The following ADAMTSL1 variants were observed in gnomAD, a reference collection of about 807,000 sequenced individuals.
ADAMTSL1 encodes the protein ADAMTS like 1.
ADAMTSL1 carries 126 observed loss-of-function variants against 201.8 expected under a neutral mutation model. The ratio of observed to expected loss-of-function variants is 0.62; its 90% CI spans 0.54 to 0.72. ADAMTSL1 has a LOEUF of 0.72. ADAMTSL1 is among the 30% of genes least tolerant of loss of function. The pLI, the probability that ADAMTSL1 is intolerant of heterozygous loss-of-function variation, is 0.00. For missense variants in ADAMTSL1, 2,679 were observed against 2,277.8 expected (o/e 1.18, Z -3.59); for synonymous variants, 1,121 against 903.4 (o/e 1.24, Z -4.32).
chr9:18,642,694 T>A (rs915652165), intron 7 of ADAMTSL1, among the ~76,000 whole-genome samples: 7 of 152,048 alleles, frequency 4.6e-5, no homozygotes, highest in African/African-American at 1.7e-4. Context: ...TTTGTCTTTC[T>A]GGGCCTAGCT....
chr9:18,533,280 A>C lies in ADAMTSL1; in HGVS notation c.225A>C (p.Thr75=). The C allele has an allele frequency of 6.2e-7, 1 of 1,609,620 alleles. No homozygotes were observed. ...AAGGAAGAAATATCCGATACAGAAC[A>C]TGCAGTAATGTGGTAAGTATAAGGT... The part of the protein sequence containing the change: ...SCEGRNIRYR[T]CSNVDCPPEA... Residue 75 remains threonine (T), a synonymous_variant, in exon 3 of 29, where the codon ACA becomes ACC. Transcript: ENST00000380548.
At chr9:18,794,484 C>T (rs1822250883) in intron 19 of ADAMTSL1, among the ~76,000 whole-genome samples, 1 of 151,502 alleles carries the variant, frequency 6.6e-6, no homozygotes, top group African/African-American at 2.4e-5. Context: ...TAAATAAAGA[C>T]AATAGATGTA....
intron 4 of ADAMTSL1, among the ~76,000 whole-genome samples, chr9:18,598,302 T>C (rs1824401581): frequency 6.6e-6 from 1 of 152,180 alleles, no homozygotes; most frequent in Non-Finnish European, 1.5e-5. Flanking sequence ...ACCCGAAGTC[T>C]CTCAACTAGC....
intron 23 of ADAMTSL1, among the ~76,000 whole-genome samples, chr9:18,844,675 C>T (rs1341204467): frequency 6.6e-6 from 1 of 152,226 alleles, no homozygotes; most frequent in African/African-American, 2.4e-5. Flanking sequence ...CCTCCTTGAG[C>T]TGTGGTGGGC....
intron 20 of ADAMTSL1, among the ~76,000 whole-genome samples, chr9:18,795,958 G>T (rs1349323321): frequency 6.6e-6 from 1 of 152,166 alleles, no homozygotes; most frequent in African/African-American, 2.4e-5. Flanking sequence ...GAATTCTGTG[G>T]TCATGGCTTG....
intron 2 of ADAMTSL1, among the ~76,000 whole-genome samples, chr9:18,277,095 T>C (rs192175745): frequency 4.1e-4 from 63 of 152,358 alleles, no homozygotes; most frequent in African/African-American, 1.5e-3. Flanking sequence ...CATACTATAG[T>C]GGCTAGAAAA....
intron 4 of ADAMTSL1, among the ~76,000 whole-genome samples, chr9:18,614,911 G>A (rs1825605020): frequency 6.6e-6 from 1 of 151,672 alleles, no homozygotes; most frequent in Non-Finnish European, 1.5e-5. Flanking sequence ...TATGGGCCTT[G>A]TGTTTTGGAA....
intron 1 of ADAMTSL1, among the ~76,000 whole-genome samples, chr9:17,951,025 C>T (rs1483190564): frequency 5.9e-5 from 9 of 152,082 alleles, no homozygotes; most frequent in Non-Finnish European, 2.9e-5. Context: ...AAAGTTGCAG[C>T]CCCCTCCCCA....
At position 18,776,561 on chromosome 9, in the gene ADAMTSL1, C is replaced by T. The variant is rs550168406; in HGVS notation, c.2552-220C>T. 3.3e-5 allele frequency among the ~76,000 whole-genome samples: 5 copies of T among 152,252 alleles called. No individual in the cohort carries two copies. In the South Asian group the frequency reaches 1.0e-3, roughly 32 times the overall value. On this transcript the variant is annotated intron_variant, in intron 18 of 28. Coordinates refer to ENST00000380548, the MANE Select transcript of ADAMTSL1 (RefSeq NM_001040272.6). Reference sequence around the variant, plus strand: ...TGGTGGCAGCTTGATGGTCCACAGCCGGGAATGAGGTCCTCCCGAAAAACA... The same window carrying T: ...TGGTGGCAGCTTGATGGTCCACAGCTGGGAATGAGGTCCTCCCGAAAAACA...
chr9:18,478,783 C>T (rs1202444083), intron 1 of ADAMTSL1, among the ~76,000 whole-genome samples: 3 of 152,192 alleles, frequency 2.0e-5, no homozygotes, highest in African/African-American at 7.2e-5. Flanking sequence ...TACTGGTTAA[C>T]TGTATTGAGA....
At chr9:18,277,643 A>G (rs909525928) in intron 2 of ADAMTSL1, among the ~76,000 whole-genome samples, 3 of 151,774 alleles carry the variant, frequency 2.0e-5, no homozygotes, top group Admixed American at 6.6e-5. Flanking sequence ...TTCTATCCCT[A>G]CTCTTTCAGC....
At chr9:17,969,652 A>C (rs115612930) in intron 1 of ADAMTSL1, among the ~76,000 whole-genome samples, 122 of 152,212 alleles carry the variant, frequency 8.0e-4, no homozygotes, top group African/African-American at 2.9e-3. Context: ...AGTATACTAA[A>C]TGAGCTAGAA....
chr9:18,034,493 AT>A (rs1821110083), intron 1 of ADAMTSL1, among the ~76,000 whole-genome samples: 1 of 152,218 alleles, frequency 6.6e-6, no homozygotes, highest in Non-Finnish European at 1.5e-5. Context: ...TCTTAAGTAT[AT>A]AGAAACATAA....
intron 7 of ADAMTSL1, among the ~76,000 whole-genome samples, chr9:18,655,887 GGTACCCTT>G (rs1263248035): frequency 1.2e-4 from 17 of 145,048 alleles, no homozygotes; most frequent in Admixed American, 2.1e-4. Flanking sequence ...CAAGCAATTA[GGTACCCTT>G]GTATCTGACA....
chr9:18,429,450 G>C (rs1362141865), intron 2 of ADAMTSL1, among the ~76,000 whole-genome samples: 3 of 152,140 alleles, frequency 2.0e-5, no homozygotes, highest in African/African-American at 7.2e-5. Flanking sequence ...CTGTGTGCTA[G>C]TGTGAGCAGA....
intron 2 of ADAMTSL1, among the ~76,000 whole-genome samples, chr9:18,318,527 C>T (rs1834495593): frequency 6.6e-6 from 1 of 152,160 alleles, no homozygotes. Flanking sequence ...CTTAGAAGAA[C>T]CACTGTTTAA....
chr9:17,949,122 C>T (rs957606046), intron 1 of ADAMTSL1, among the ~76,000 whole-genome samples: 1 of 152,174 alleles, frequency 6.6e-6, no homozygotes, highest in Non-Finnish European at 1.5e-5. Context: ...TCAATAATTG[C>T]TGATATTTTA....
At chr9:18,498,500 C>T (rs910372982) in intron 1 of ADAMTSL1, among the ~76,000 whole-genome samples, 1 of 152,102 alleles carries the variant, frequency 6.6e-6, no homozygotes, top group African/African-American at 2.4e-5. Flanking sequence ...CCATGCCTGG[C>T]TAATTTTTTG....
chr9:18,171,805 G>C (rs1222868844), intron 2 of ADAMTSL1, among the ~76,000 whole-genome samples: 1 of 151,922 alleles, frequency 6.6e-6, no homozygotes, highest in Non-Finnish European at 1.5e-5. Context: ...GGGTTTTTAT[G>C]GTTTTAGGTC....
Sources: gnomAD v4.1 joint callset for allele counts (sites outside exome capture counted in the v4.1 genomes callset) on GRCh38, gnomAD v4.1.1 for gene constraint, MANE v1.5 for transcripts, NCBI Gene and HGNC (gene_info 2026-07-23, HGNC 2026-07-21) for gene names.